Variants in PLB1 observed in about 807,000 individuals in gnomAD.
The protein encoded by PLB1 is phospholipase B1, membrane-associated.
A neutral mutation model predicts 227.4 loss-of-function variants in PLB1; 242 were observed. The observed-to-expected ratio is 1.06, with a 90% CI of 0.96 to 1.18. The LOEUF is 1.18. Among genes scored for constraint, PLB1 ranks in the 50% most tolerant of loss-of-function variants. The pLI, the probability that PLB1 is intolerant of heterozygous loss-of-function variation, is 0.00. For missense variants in PLB1, 1,858 were observed against 1,816.3 expected, an observed-to-expected ratio of 1.02 and a Z score of -0.42; for synonymous variants, 757 against 682.2, an observed-to-expected ratio of 1.11 and a Z score of -1.71.
intron 43 of PLB1, among the ~76,000 whole-genome samples, chr2:28,606,893 C>T (rs1453829615): frequency 6.6e-6 from 1 of 152,090 alleles, no homozygotes; most frequent in Non-Finnish European, 1.5e-5. Context: ...CTTCTCTTAG[C>T]AGTGGTGTTT....
chr2:28,528,315 C>T (rs72792979), intron 6 of PLB1, among the ~76,000 whole-genome samples: 39,785 of 152,052 alleles, frequency 0.26, 5,625 homozygotes, highest in East Asian at 0.56. Context: ...GGAGTGGAGG[C>T]ATCTGCCTCC....
At chr2:28,550,187 T>C (rs1191360993) in intron 16 of PLB1, 103 bp downstream of exon 16, 18 of 857,398 alleles carry the variant, frequency 2.1e-5, no homozygotes, top group Non-Finnish European at 3.0e-5. Context: ...TTTTTTTTTC[T>C]TTTGAGATGG....
rs373545217 is a variant in PLB1 at position 28,623,209 on chromosome 2, C to T, written c.3528-1848C>T. ...CAAGATTCAGCAACTTGTACAAGCT[C>T]AACAGCAAGTTGGTAGCAGAGCTGA... On this transcript the variant is annotated intron_variant, in intron 49 of 57. Transcript: ENST00000327757. 3.3e-5 allele frequency among the ~76,000 whole-genome samples: 5 copies of T among 152,296 alleles called. No individual in the cohort carries two copies. The East Asian group carries it at 5.8e-4, about 18-fold the overall frequency.
intron 51 of PLB1, among the ~76,000 whole-genome samples, chr2:28,627,224 C>T (rs4666112): frequency 0.92 from 140,372 of 152,102 alleles, 64,954 homozygotes; most frequent in East Asian, 1. Context: ...CTCCCACACA[C>T]AGGAGTTGGT....
Position 28,601,425 on chromosome 2 carries a change from C to T in PLB1, c.2607+93C>T, listed in dbSNP as rs1392133585. 5.4e-5 allele frequency: 54 copies of T among 1,006,188 alleles called. No individual in the cohort carries two copies. In the East Asian group the frequency reaches 1.4e-3, roughly 25 times the overall value. 62.3% of individuals were successfully genotyped at this position (1,006,188 alleles called of 1,614,324 possible). On this transcript the variant is annotated intron_variant, in intron 37 of 57. Coordinates refer to ENST00000327757, the MANE Select transcript of PLB1 (RefSeq NM_153021.5). Reference sequence around the variant, plus strand: ...CCTGAGAACAGTTCCTAAAACCAATCCTAGGATTATCCACCTACACCTATG... The same window carrying T: ...CCTGAGAACAGTTCCTAAAACCAATTCTAGGATTATCCACCTACACCTATG...
At chr2:28,611,537 C>T (rs1558913639) in intron 43 of PLB1, among the ~76,000 whole-genome samples, 2 of 152,198 alleles carry the variant, frequency 1.3e-5, no homozygotes, top group Non-Finnish European at 2.9e-5. Context: ...TCTGATGCTT[C>T]ACTGCCTCAG....
chr2:28,583,977 G>A (rs369257868), intron 25 of PLB1, among the ~76,000 whole-genome samples: 2 of 152,156 alleles, frequency 1.3e-5, no homozygotes, highest in Non-Finnish European at 2.9e-5. Flanking sequence ...AAGCATGAAC[G>A]TTTTCCGCAG....
chr2:28,632,585 G>C (rs1247126810), intron 55 of PLB1, among the ~76,000 whole-genome samples: 3 of 151,976 alleles, frequency 2.0e-5, no homozygotes, highest in African/African-American at 7.3e-5. Context: ...TTAGGAGTTT[G>C]AGACCAGCCT....
At chr2:28,556,782 A>G (rs1271757208) in intron 17 of PLB1, among the ~76,000 whole-genome samples, 1 of 152,186 alleles carries the variant, frequency 6.6e-6, no homozygotes, top group African/African-American at 2.4e-5. Context: ...GCAAATAGGG[A>G]TCCACAAAGC....
chr2:28,605,118 A>G (rs959437122), intron 41 of PLB1, among the ~76,000 whole-genome samples: 1 of 152,226 alleles, frequency 6.6e-6, no homozygotes, highest in Non-Finnish European at 1.5e-5. Context: ...AGGGAGGCCA[A>G]CATGAACACA....
At chr2:28,627,187 A>G (rs1380163331) in intron 51 of PLB1, among the ~76,000 whole-genome samples, 2 of 152,182 alleles carry the variant, frequency 1.3e-5, no homozygotes, top group Non-Finnish European at 2.9e-5. Flanking sequence ...ACAGAGGCCA[A>G]CTACCAGAGG....
intron 35 of PLB1, among the ~76,000 whole-genome samples, chr2:28,598,990 C>T (rs532671278): frequency 1.3e-5 from 2 of 152,346 alleles, no homozygotes; most frequent in East Asian, 3.9e-4. Flanking sequence ...ACCTTGCCTT[C>T]ATGTGCAGCA....
At chr2:28,613,550 G>GA (rs963094214) in intron 43 of PLB1, among the ~76,000 whole-genome samples, 20 of 146,290 alleles carry the variant, frequency 1.4e-4, no homozygotes, top group Admixed American at 4.1e-4. Context: ...TGTTTTACAA[G>GA]AAAAAAAAAA....
At chr2:28,539,019 G>T in intron 10 of PLB1, 80 bp from the exon 11 acceptor site, 1 of 1,138,614 alleles carries the variant, frequency 8.8e-7, no homozygotes, top group Non-Finnish European at 1.3e-6. Context: ...CCCCAACGGG[G>T]CCCAAGCAGG....
chr2:28,593,005 A>G (rs970798011), intron 32 of PLB1, among the ~76,000 whole-genome samples: 26 of 152,300 alleles, frequency 1.7e-4, no homozygotes, highest in African/African-American at 5.8e-4. Flanking sequence ...TTCTGACTCA[A>G]AATTCTCCTA....
At chr2:28,545,784 C>A (rs1441942278) in intron 14 of PLB1, among the ~76,000 whole-genome samples, 2 of 152,244 alleles carry the variant, frequency 1.3e-5, no homozygotes, top group East Asian at 3.9e-4. Flanking sequence ...GCAGGTGTAC[C>A]TGTTCTGTGT....
intron 50 of PLB1, among the ~76,000 whole-genome samples, chr2:28,626,000 T>TC (rs1338711584): frequency 4.9e-5 from 7 of 142,820 alleles, no homozygotes; most frequent in Admixed American, 3.5e-4. Context: ...TTGCTTTTCT[T>TC]TTTTTTTTTT....
intron 20 of PLB1, among the ~76,000 whole-genome samples, chr2:28,567,962 A>G (rs1486503890): frequency 1.3e-5 from 2 of 152,160 alleles, no homozygotes; most frequent in Non-Finnish European, 2.9e-5. Context: ...TTCCTGGTAC[A>G]TAGCCCTTTG....
At chr2:28,508,146 C>T (rs1667836674) in intron 1 of PLB1, among the ~76,000 whole-genome samples, 1 of 152,180 alleles carries the variant, frequency 6.6e-6, no homozygotes, top group Admixed American at 6.5e-5. Flanking sequence ...AGACTTTGGT[C>T]TCAGGGAAAG....
Sources: allele counts gnomAD v4.1 joint callset (sites outside exome capture counted in the v4.1 genomes callset), GRCh38; gene constraint gnomAD v4.1.1; transcripts MANE v1.5; gene names NCBI Gene and HGNC (gene_info 2026-07-23, HGNC 2026-07-21).